Variants in EXOC6B observed in about 807,000 individuals in gnomAD.
EXOC6B encodes SEC15 homolog B.
Under a neutral mutation model 113.5 loss-of-function variants are expected in EXOC6B, and 54 were observed. That is an observed-to-expected ratio of 0.48 (90% CI 0.38 to 0.60). The LOEUF is 0.60. Among genes scored for constraint, EXOC6B ranks in the 20% least tolerant of loss-of-function variants. The pLI is 0.00. For missense variants in EXOC6B, 797 were observed against 977.5 expected (o/e 0.82, Z 2.46); for synonymous variants, 357 against 339.0 (o/e 1.05, Z -0.58).
chr2:72,657,032 G>A (rs1674629137), intron 6 of EXOC6B, among the ~76,000 whole-genome samples: 1 of 151,534 alleles, frequency 6.6e-6, no homozygotes, highest in South Asian at 2.1e-4. Flanking sequence ...TGTATTTTTA[G>A]TAGAGACAGG....
At chr2:72,224,244 G>A (rs1263514637) in intron 20 of EXOC6B, among the ~76,000 whole-genome samples, 1 of 152,200 alleles carries the variant, frequency 6.6e-6, no homozygotes, top group East Asian at 1.9e-4. Context: ...TCCTCTGCAA[G>A]GTTTTGGTAA....
intron 1 of EXOC6B, among the ~76,000 whole-genome samples, chr2:72,754,827 C>T (rs1231875624): frequency 6.6e-6 from 1 of 151,660 alleles, no homozygotes; most frequent in Non-Finnish European, 1.5e-5. Context: ...CTATGTTGCC[C>T]AGGCTGGTCT....
intron 19 of EXOC6B, among the ~76,000 whole-genome samples, chr2:72,370,897 T>C (rs1167413014): frequency 1.3e-5 from 2 of 151,524 alleles, no homozygotes; most frequent in Non-Finnish European, 2.9e-5. Flanking sequence ...ATGCCTAATG[T>C]AAATGACAAG....
chr2:72,385,394 T>A (rs1691946475), intron 18 of EXOC6B, among the ~76,000 whole-genome samples: 1 of 149,206 alleles, frequency 6.7e-6, no homozygotes, highest in Non-Finnish European at 1.5e-5. Flanking sequence ...GACCTGAAAC[T>A]ATGAAACTAC....
At chr2:72,310,884 C>CACACATAT (rs147993032) in intron 20 of EXOC6B, among the ~76,000 whole-genome samples, 1 of 149,340 alleles carries the variant, frequency 6.7e-6, no homozygotes, top group African/African-American at 2.5e-5. Context: ...CACACACACA[C>CACACATAT]ACACAGAGCT....
At chr2:72,582,129 G>A (rs1705260275) in intron 6 of EXOC6B, among the ~76,000 whole-genome samples, 1 of 152,104 alleles carries the variant, frequency 6.6e-6, no homozygotes, top group Non-Finnish European at 1.5e-5. Flanking sequence ...ATTCTCGGTA[G>A]TTATAGGCCT....
At chr2:72,244,903 A>G (rs556505045) in intron 20 of EXOC6B, among the ~76,000 whole-genome samples, 205 of 152,280 alleles carry the variant, frequency 1.3e-3, no homozygotes, top group African/African-American at 4.7e-3. Context: ...GTCACTCTAA[A>G]AAATGAAATA....
rs1027454420 is a variant in EXOC6B, at chr2:72,645,285, T to C, written c.670-69617A>G. ...CCCAATACAGGAGCACCCAGATTCA[T>C]AAAGCAAGTCCTTAGAGACCTACAA... On this transcript the variant is annotated intron_variant, in intron 6 of 21. Transcript: ENST00000272427. Among the ~76,000 whole-genome samples the C allele has an allele frequency of 8.5e-5, 13 of 152,248 alleles. No individual in the cohort carries two copies. The East Asian group carries it at 2.1e-3, about 25-fold the overall frequency.
chr2:72,185,708 T>G (rs1207244045), intron 20 of EXOC6B, among the ~76,000 whole-genome samples: 1 of 151,982 alleles, frequency 6.6e-6, no homozygotes, highest in Non-Finnish European at 1.5e-5. Context: ...AGAATTTCCC[T>G]TGACTTTCTA....
At chr2:72,659,052 G>A (rs1479937097) in intron 6 of EXOC6B, among the ~76,000 whole-genome samples, 1 of 151,986 alleles carries the variant, frequency 6.6e-6, no homozygotes, top group Non-Finnish European at 1.5e-5. Context: ...TTTAACTCCA[G>A]TATTTATAGT....
At chr2:72,577,863 A>ATAGAGGGAGAGGGG (rs961402351) in intron 6 of EXOC6B, among the ~76,000 whole-genome samples, 3 of 152,030 alleles carry the variant, frequency 2.0e-5, no homozygotes, top group Non-Finnish European at 4.4e-5. Flanking sequence ...CTGGGATGGA[A>ATAGAGGGAGAGGGG]TAGAGGGAGA....
At chr2:72,802,127 A>T (rs965575679) in intron 1 of EXOC6B, among the ~76,000 whole-genome samples, 2 of 152,318 alleles carry the variant, frequency 1.3e-5, no homozygotes, top group African/African-American at 4.8e-5. Context: ...GTTCAAGACC[A>T]GCCTGACCAA....
At chr2:72,675,823 C>T (rs866082365) in intron 6 of EXOC6B, among the ~76,000 whole-genome samples, 2 of 135,778 alleles carry the variant, frequency 1.5e-5, no homozygotes, top group South Asian at 2.4e-4. Flanking sequence ...TTGGTGGGGG[C>T]GGGGGGGCGG....
intron 20 of EXOC6B, among the ~76,000 whole-genome samples, chr2:72,225,988 G>A (rs564620233): frequency 1.3e-5 from 2 of 152,224 alleles, no homozygotes; most frequent in East Asian, 1.9e-4. Context: ...AGCAACAACC[G>A]CGTATGTGAC....
intron 6 of EXOC6B, among the ~76,000 whole-genome samples, chr2:72,625,978 T>C (rs1672026487): frequency 6.6e-6 from 1 of 152,168 alleles, no homozygotes. Context: ...ACTAATCTAT[T>C]CCTTCCTTTT....
chr2:72,419,323 A>C (rs1273417844), intron 18 of EXOC6B, among the ~76,000 whole-genome samples: 1 of 152,238 alleles, frequency 6.6e-6, no homozygotes, highest in Non-Finnish European at 1.5e-5. Context: ...TCTAAAACAA[A>C]AAGCAGAGTT....
chr2:72,542,021 T>A (rs1183162595), intron 8 of EXOC6B, among the ~76,000 whole-genome samples: 1 of 152,194 alleles, frequency 6.6e-6, no homozygotes, highest in Non-Finnish European at 1.5e-5. Context: ...TCTTATAATT[T>A]CAGGGCAATG....
At chr2:72,672,665 A>G (rs1315735626) in intron 6 of EXOC6B, among the ~76,000 whole-genome samples, 1 of 152,222 alleles carries the variant, frequency 6.6e-6, no homozygotes, top group Admixed American at 6.5e-5. Flanking sequence ...CTACATGGAT[A>G]GAACCAAAGG....
chr2:72,686,097 G>A (rs1677070484), intron 6 of EXOC6B, among the ~76,000 whole-genome samples: 1 of 152,200 alleles, frequency 6.6e-6, no homozygotes, highest in South Asian at 2.1e-4. Flanking sequence ...TACATTTGCT[G>A]AGCTTGATAA....
Sources: allele counts gnomAD v4.1 joint callset (sites outside exome capture counted in the v4.1 genomes callset), GRCh38; gene constraint gnomAD v4.1.1; transcripts MANE v1.5; gene names NCBI Gene and HGNC (gene_info 2026-07-23, HGNC 2026-07-21).